Variants in DCC observed in about 807,000 individuals in gnomAD.
The protein encoded by DCC is DCC netrin 1 receptor.
In DCC, 58 loss-of-function variants were observed where a neutral mutation model predicts 172.5. The observed-to-expected ratio is 0.34, with a 90% confidence interval of 0.27 to 0.42. The LOEUF is 0.42. Ranked by LOEUF, DCC falls within the 10% of genes least tolerant of loss-of-function variation. DCC has a pLI of 1.00. For synonymous variants in DCC, 709 were observed against 644.5 expected (o/e 1.10, Z -1.52); for missense variants, 1,740 against 1,791.0 (o/e 0.97, Z 0.51).
chr18:52,428,837 A>C (rs1987527545), intron 1 of DCC, among the ~76,000 whole-genome samples: 1 of 152,116 alleles, frequency 6.6e-6, no homozygotes, highest in Non-Finnish European at 1.5e-5. Flanking sequence ...CCCTGGAAAC[A>C]CTGGTGAAAT....
intron 12 of DCC, among the ~76,000 whole-genome samples, chr18:53,226,484 C>T (rs147971812): frequency 1.3e-5 from 2 of 152,078 alleles, no homozygotes; most frequent in African/African-American, 2.4e-5. Flanking sequence ...AGCACATCAG[C>T]GGGACAGCAG....
At chr18:52,421,643 A>G (rs1399715367) in intron 1 of DCC, among the ~76,000 whole-genome samples, 1 of 152,164 alleles carries the variant, frequency 6.6e-6, no homozygotes, top group Non-Finnish European at 1.5e-5. Context: ...TGATCTTGGC[A>G]CTTGAGCCTT....
chr18:52,621,435 A>T (rs983617042), intron 1 of DCC, among the ~76,000 whole-genome samples: 3 of 152,158 alleles, frequency 2.0e-5, no homozygotes, highest in Non-Finnish European at 4.4e-5. Context: ...GATGAAGATT[A>T]AGTGAAGAAG....
At chr18:52,866,053 T>C (rs1483506834) in intron 2 of DCC, among the ~76,000 whole-genome samples, 2 of 152,148 alleles carry the variant, frequency 1.3e-5, no homozygotes, top group African/African-American at 4.8e-5. Context: ...TAATCCATCT[T>C]TGAGTTAATT....
intron 24 of DCC, among the ~76,000 whole-genome samples, chr18:53,467,554 T>C (rs538944277): frequency 6.6e-6 from 1 of 152,314 alleles, no homozygotes; most frequent in East Asian, 1.9e-4. Context: ...AGAAAGATTT[T>C]TGTGTTACCT....
intron 5 of DCC, among the ~76,000 whole-genome samples, chr18:53,026,784 A>C (rs1379546202): frequency 6.6e-6 from 1 of 151,880 alleles, no homozygotes; most frequent in African/African-American, 2.4e-5. Flanking sequence ...GCTGGTCTTG[A>C]ACTCCTGGCC....
chr18:53,468,342 T>TTTTATTTATTTATTTATTTATTTA (rs60585459), intron 25 of DCC, among the ~76,000 whole-genome samples: 2,468 of 130,858 alleles, frequency 0.019, 57 homozygotes, highest in African/African-American at 0.043. Context: ...CATAGTTTAT[T>TTTTATTTATTTATTTATTTATTTA]TTTATTTATT....
chr18:52,945,661 G>A (rs528865897), intron 5 of DCC, among the ~76,000 whole-genome samples: 3 of 152,196 alleles, frequency 2.0e-5, no homozygotes, highest in Non-Finnish European at 4.4e-5. Context: ...CACTGGCTTA[G>A]AGAGCTGAGC....
At chr18:53,454,918 T>C (rs1209670219) in intron 23 of DCC, among the ~76,000 whole-genome samples, 1 of 152,198 alleles carries the variant, frequency 6.6e-6, no homozygotes, top group Non-Finnish European at 1.5e-5. Context: ...TTTTCTGAGA[T>C]ATATTTGAGT....
At chr18:52,868,563 A>G (rs2039266080) in intron 2 of DCC, among the ~76,000 whole-genome samples, 1 of 152,206 alleles carries the variant, frequency 6.6e-6, no homozygotes, top group Non-Finnish European at 1.5e-5. Context: ...GCTCATTCCT[A>G]GGCATGGACC....
chr18:53,113,248 CT>C (rs1022518242), intron 7 of DCC, among the ~76,000 whole-genome samples: 2 of 151,348 alleles, frequency 1.3e-5, no homozygotes, highest in African/African-American at 4.8e-5. Context: ...GAATCAGAAT[CT>C]TTTATTCAGA....
At chr18:53,504,416 G>A (rs1184268934) in intron 27 of DCC, among the ~76,000 whole-genome samples, 1 of 152,170 alleles carries the variant, frequency 6.6e-6, no homozygotes, top group Admixed American at 6.5e-5. Context: ...TAGGAGAGAT[G>A]TGTTGATTTG....
At chr18:53,289,946 G>T (rs2056982051) in intron 12 of DCC, among the ~76,000 whole-genome samples, 1 of 152,114 alleles carries the variant, frequency 6.6e-6, no homozygotes, top group South Asian at 2.1e-4. Flanking sequence ...GTGTGCTTGA[G>T]GAGAGGGAAT....
chr18:53,032,649 G>A (rs2042041452), intron 5 of DCC, among the ~76,000 whole-genome samples: 1 of 152,044 alleles, frequency 6.6e-6, no homozygotes, highest in Non-Finnish European at 1.5e-5. Context: ...GCATTTATAT[G>A]GAAAAAATGA....
intron 7 of DCC, among the ~76,000 whole-genome samples, chr18:53,157,117 A>G (rs2054750866): frequency 6.6e-6 from 1 of 152,176 alleles, no homozygotes; most frequent in Non-Finnish European, 1.5e-5. Context: ...TGGGTAATAG[A>G]AATTGGACAT....
chr18:52,650,136 G>A (rs1003789897), intron 1 of DCC, among the ~76,000 whole-genome samples: 1 of 151,838 alleles, frequency 6.6e-6, no homozygotes, highest in Non-Finnish European at 1.5e-5. Context: ...GTACCACCAC[G>A]CCTCGCTAAT....
intron 1 of DCC, among the ~76,000 whole-genome samples, chr18:52,720,178 T>C (rs888950926): frequency 6.6e-6 from 1 of 152,066 alleles, no homozygotes; most frequent in African/African-American, 2.4e-5. Flanking sequence ...GTGTATTTCC[T>C]AGGCTGAGAG....
chr18:53,503,991 GATTTTCCCCGTGC>G (rs1568173404), intron 27 of DCC, among the ~76,000 whole-genome samples: 1 of 152,206 alleles, frequency 6.6e-6, no homozygotes, highest in Non-Finnish European at 1.5e-5. Context: ...AATTGAGTTT[GATTTTCCCCGTGC>G]AAATTGTGGC....
intron 19 of DCC, among the ~76,000 whole-genome samples, chr18:53,407,950 T>C (rs1388329769): frequency 6.6e-6 from 1 of 152,220 alleles, no homozygotes; most frequent in Non-Finnish European, 1.5e-5. Flanking sequence ...CCAAGTTTAA[T>C]ATTTAACAGA....
Sources: allele counts gnomAD v4.1 joint callset (sites outside exome capture counted in the v4.1 genomes callset), GRCh38; gene constraint gnomAD v4.1.1; transcripts MANE v1.5; gene names NCBI Gene and HGNC (gene_info 2026-07-23, HGNC 2026-07-21).